The following ITPR3 variants were observed in gnomAD, a reference collection of about 807,000 sequenced individuals.
The protein encoded by ITPR3 is inositol 1,4,5-trisphosphate-gated calcium channel ITPR3.
ITPR3 carries 173 observed loss-of-function variants against 293.2 expected under a neutral mutation model. That is an observed-to-expected ratio of 0.59 (90% CI 0.52 to 0.67). The LOEUF (loss-of-function observed/expected upper bound fraction) is 0.67, where lower values mean the gene tolerates loss of function less well. Among genes scored for constraint, ITPR3 ranks in the 30% least tolerant of loss-of-function variants. The pLI, the probability that ITPR3 is intolerant of heterozygous loss-of-function variation, is 0.00. For synonymous variants in ITPR3, 1,295 were observed against 1,444.4 expected, an observed-to-expected ratio of 0.90 and a Z score of 2.35; for missense variants, 2,796 against 3,592.1, an observed-to-expected ratio of 0.78 and a Z score of 5.66.
intron 1 of ITPR3, among the ~76,000 whole-genome samples, chr6:33,622,068 A>G (rs1763450944): frequency 6.6e-6 from 1 of 152,084 alleles, no homozygotes; most frequent in African/African-American, 2.4e-5. Flanking sequence ...CTCTGAGGGT[A>G]GGGCGGAGCT....
At chr6:33,668,128 T>C (rs1419437033) in intron 16 of ITPR3, among the ~76,000 whole-genome samples, 164 bp downstream of exon 16, 1 of 152,156 alleles carries the variant, frequency 6.6e-6, no homozygotes, top group African/African-American at 2.4e-5. Context: ...CCCTAGCCCT[T>C]CTCTGGGATC....
chr6:33,671,399 G>A, intron 21 of ITPR3, 93 bp downstream of exon 21: 4 of 854,220 alleles, frequency 4.7e-6, no homozygotes, highest in Non-Finnish European at 5.4e-6. Context: ...CCCCAGCCCC[G>A]CATTCCCCCC....
At chr6:33,688,878 AC>A in intron 49 of ITPR3, 97 bp downstream of exon 49, 1 of 1,498,578 alleles carries the variant, frequency 6.7e-7, no homozygotes, top group Non-Finnish European at 9.2e-7. Context: ...CTCTGAGGGC[AC>A]CAGATGCAGA....
At chr6:33,642,957 C>G (rs1763982675) in intron 2 of ITPR3, among the ~76,000 whole-genome samples, 1 of 152,070 alleles carries the variant, frequency 6.6e-6, no homozygotes, top group South Asian at 2.1e-4. Flanking sequence ...AGAGCCAGGC[C>G]TCCGTACACC....
chr6:33,624,481 T>G lies in ITPR3; in HGVS notation c.89+2790T>G, dbSNP rs768455182. Among the ~76,000 whole-genome samples the G allele has an allele frequency of 5.9e-5, 9 of 152,376 alleles. No homozygotes were observed. The highest frequency in any genetic ancestry group is 1.2e-4 in the Non-Finnish European group (8 of 68,046). On this transcript the variant is annotated intron_variant, in intron 1 of 57. Coordinates refer to ENST00000605930, the MANE Select transcript of ITPR3 (RefSeq NM_002224.4). The surrounding 1 kb of genome is among the most constrained non-coding windows in gnomAD (Gnocchi z 4.7). ...ATCTCAGACCCCGTGCCCGTCCTAC[T>G]GAATGAGAATCTGCATTTTATTAAG...
rs1765456473 is a variant in ITPR3 at position 33,693,659 on chromosome 6, A to G, written c.7739A>G (p.Lys2580Arg). Residue 2580 changes from lysine (K) to arginine (R), a missense_variant, in exon 56 of 58, where the codon AAG (lysine) becomes AGG (arginine). Physicochemically the swap from Lys to Arg is conservative, Grantham distance 26. This residue lies in a region of ITPR3 where 568 missense variants were observed against 796.1 expected (regional missense o/e 0.71). Transcript: ENST00000605930. Reference protein sequence around the residue: ...YFIVLVRVKNKTDYTGPESYV... With the variant: ...YFIVLVRVKNRTDYTGPESYV... Reference sequence around the variant, plus strand: ...ATTGTGCTGGTCCGCGTGAAGAACAAGACCGACTACACGGGCCCTGAGAGC... The same window carrying G: ...ATTGTGCTGGTCCGCGTGAAGAACAGGACCGACTACACGGGCCCTGAGAGC... 6.2e-7 allele frequency: 1 copy of G among 1,614,102 alleles called. No homozygotes were observed. Among genetic ancestry groups the G allele is most frequent in the Non-Finnish European group, 8.5e-7 (1 of 1,180,036 alleles).
At chr6:33,634,740 C>CTAA (rs1763777826) in intron 1 of ITPR3, among the ~76,000 whole-genome samples, 1 of 152,114 alleles carries the variant, frequency 6.6e-6, no homozygotes, top group Admixed American at 6.5e-5. Context: ...GGACATCCAC[C>CTAA]TAATGACCAG....
At chr6:33,660,616 TC>T (rs1346468534) in intron 7 of ITPR3, among the ~76,000 whole-genome samples, 2 of 150,044 alleles carry the variant, frequency 1.3e-5, no homozygotes, top group Non-Finnish European at 1.5e-5. Flanking sequence ...CAGCCCCGAA[TC>T]TGTGCAGCAC....
In ITPR3 at chr6:33,678,715, T is replaced by TG; in HGVS notation, c.3849dup (p.Gln1284AlafsTer25). 6.2e-7 allele frequency: 1 copy of TG among 1,613,500 alleles called. No homozygotes were observed. The stretch of plus-strand genomic sequence containing the variant: ...TGCTCCGAGATCAGCGAGCCTGTGT[T>TG]GCAGCACTTCGTGCACCTGCTGGCC... On this transcript the variant is annotated frameshift_variant, in exon 30 of 58. Coordinates refer to ENST00000605930, the MANE Select transcript of ITPR3 (RefSeq NM_002224.4). LOFTEE classifies it high-confidence loss of function.
At chr6:33,686,870 G>T (rs1026729603) in intron 43 of ITPR3, 139 bp from the exon 44 acceptor site, 1 of 710,626 alleles carries the variant, frequency 1.4e-6, no homozygotes, top group Non-Finnish European at 2.4e-6. Flanking sequence ...CATTAAGCCG[G>T]GGGGAGGGAG....
At position 33,689,339 on chromosome 6, in the gene ITPR3, G is replaced by T; in HGVS notation, c.6796G>T (p.Val2266Leu). The change falls in exon 50 of 58, where the codon GTG (valine) becomes TTG (leucine). Residue 2266 changes from valine (V) to leucine (L), a missense_variant. Transcript: ENST00000605930. ...TKRYSIRPLI[V>L]ALILRSIYYL... ...GCGCTACAGCATCCGCCCCCTCATC[G>T]TGGCGCTCATCCTGCGCTCCATCTA... 6.2e-7 allele frequency: 1 copy of T among 1,612,634 alleles called. No homozygotes were observed.
chr6:33,683,871 C>T lies in ITPR3; in HGVS notation c.4789-149C>T, dbSNP rs532020492. ...CAGGGCTCTGAGCAGACAGACATCA[C>T]GCTGTGTTCAGGGTGTCTCTGTGGG... is the stretch of plus-strand genomic sequence containing the variant. On this transcript the variant is annotated intron_variant, in intron 35 of 57. Transcript: ENST00000605930. The surrounding 1 kb of genome is among the most constrained non-coding windows in gnomAD (Gnocchi z 4.5). 22 of 832,624 alleles carry T rather than the reference C, an allele frequency of 2.6e-5. No individual in the cohort carries two copies. Among genetic ancestry groups the T allele is most frequent in the African/African-American group, 6.8e-5 (4 of 58,658 alleles). 51.6% of individuals were successfully genotyped at this position (832,624 alleles called of 1,614,324 possible).
In ITPR3 at chr6:33,655,858, G is replaced by A. The variant is rs766342194; in HGVS notation, c.253G>A (p.Ala85Thr). ...GACTAAGCAGGACAAGGAGAAGATC[G>A]CTGATGTGGTGTTGCTGCAGAAGCT... ...KQTKQDKEKI[A>T]DVVLLQKLQH... is the part of the protein sequence containing the mutation. The change falls in exon 3 of 58, where the codon GCT becomes ACT. Residue 85 changes from alanine to threonine, a missense_variant. This residue lies in a region of ITPR3 where 144 missense variants were observed against 230.8 expected (regional missense o/e 0.62). Coordinates refer to ENST00000605930, the MANE Select transcript of ITPR3 (RefSeq NM_002224.4). The surrounding 1 kb of genome is among the most constrained non-coding windows in gnomAD (Gnocchi z 4.9). 13 of 1,614,070 alleles carry A rather than the reference G, an allele frequency of 8.1e-6. No individual in the cohort carries two copies. The highest frequency in any genetic ancestry group is 2.2e-5 in the East Asian group (1 of 44,878).
chr6:33,689,331 C>T lies in ITPR3; in HGVS notation c.6788C>T (p.Pro2263Leu), dbSNP rs745589938. Residue 2263 changes from proline (P) to leucine (L), a missense_variant, in exon 50 of 58, where the codon CCC (proline) becomes CTC (leucine). Coordinates refer to ENST00000605930, the MANE Select transcript of ITPR3 (RefSeq NM_002224.4). ...TTCACCAAGCGCTACAGCATCCGCCCCCTCATCGTGGCGCTCATCCTGCGC... is the reference window on the plus strand; with the variant it reads ...TTCACCAAGCGCTACAGCATCCGCCTCCTCATCGTGGCGCTCATCCTGCGC... ...ALFTKRYSIRPLIVALILRSI... is the reference protein window; with the variant it reads ...ALFTKRYSIRLLIVALILRSI... 3.1e-6 allele frequency: 5 copies of T among 1,612,868 alleles called. No individual in the cohort carries two copies. Among genetic ancestry groups the T allele is most frequent in the Non-Finnish European group, 4.2e-6 (5 of 1,180,024 alleles).
chr6:33,675,608 C>T lies in ITPR3; in HGVS notation c.3117-83C>T. On this transcript the variant is annotated intron_variant, in intron 24 of 57. Transcript: ENST00000605930. This position sits in a 1 kb window ranked among gnomAD's most constrained non-coding sequence, Gnocchi z 5.0. ...TGCTAATTGGGTGGCGGAGAGTGTG[C>T]TTGTGCCAGGGCCCCTTACCCACCA... 6.9e-7 allele frequency: 1 copy of T among 1,452,928 alleles called. No homozygotes were observed. Among genetic ancestry groups the T allele is most frequent in the Non-Finnish European group, 9.2e-7 (1 of 1,085,938 alleles). 90.0% of individuals were successfully genotyped at this position (1,452,928 alleles called of 1,614,324 possible). A position where few individuals can be genotyped will look rare whatever the true frequency, so the allele number is the denominator to read the frequency against.
chr6:33,640,429 T>C, intron 1 of ITPR3, 55 bp from the exon 2 acceptor site: 8 of 1,537,468 alleles, frequency 5.2e-6, no homozygotes, highest in Non-Finnish European at 7.1e-6. Flanking sequence ...AGGGAAGGGA[T>C]ACTGTGGGAG....
In ITPR3 at chr6:33,680,404, A is replaced by G; in HGVS notation, c.4300A>G (p.Ser1434Gly). Residue 1434 changes from serine (S) to glycine (G), a missense_variant, in exon 32 of 58, where the codon AGC (serine) becomes GGC (glycine). Transcript: ENST00000605930. ...GGTGGAGATGAAGGAGATCTACACC[A>G]GCAACCACATCTGGACGCTCTTTGA... ...TEVEMKEIYTSNHIWTLFENF... is the reference protein window; with the variant it reads ...TEVEMKEIYTGNHIWTLFENF... 1 of 1,613,666 alleles carries G rather than the reference A, an allele frequency of 6.2e-7. No homozygotes were observed. Among genetic ancestry groups the G allele is most frequent in the Non-Finnish European group, 8.5e-7 (1 of 1,179,994 alleles).
intron 1 of ITPR3, among the ~76,000 whole-genome samples, chr6:33,636,249 C>G (rs1348179800): frequency 2.6e-5 from 4 of 151,732 alleles, no homozygotes; most frequent in Non-Finnish European, 2.9e-5. Flanking sequence ...TTGCAGTGAG[C>G]CAAGATCATG....
chr6:33,667,052 CA>C lies in ITPR3; in HGVS notation c.1552-76del. On this transcript the variant is annotated intron_variant, in intron 14 of 57. Coordinates refer to ENST00000605930, the MANE Select transcript of ITPR3 (RefSeq NM_002224.4). This position sits in a 1 kb window ranked among gnomAD's most constrained non-coding sequence, Gnocchi z 4.4. Reference sequence around the variant, plus strand: ...CTTTAGGGCAGAGTCAGTTGGGACTCAGGGATGACTCCTGGGATGACTTAGG... The same window carrying C: ...CTTTAGGGCAGAGTCAGTTGGGACTCGGGATGACTCCTGGGATGACTTAGG... The C allele has an allele frequency of 6.5e-7, 1 of 1,527,232 alleles. No homozygotes were observed. Among genetic ancestry groups the C allele is most frequent in the Non-Finnish European group, 8.9e-7 (1 of 1,124,056 alleles). 94.6% of individuals were successfully genotyped at this position (1,527,232 alleles called of 1,614,324 possible). A position where few individuals can be genotyped will look rare whatever the true frequency, so the allele number is the denominator to read the frequency against.
Sources: allele counts gnomAD v4.1 joint callset (sites outside exome capture counted in the v4.1 genomes callset), GRCh38; gene constraint gnomAD v4.1.1; regional missense constraint gnomAD v4.1.1; non-coding constraint Gnocchi (gnomAD v3.1); transcripts MANE v1.5; gene names NCBI Gene and HGNC (gene_info 2026-07-23, HGNC 2026-07-21).